Variants in PRKN observed in about 807,000 individuals in gnomAD.
PRKN encodes E3 ubiquitin-protein ligase parkin.
Under a neutral mutation model 59.5 loss-of-function variants are expected in PRKN, and 56 were observed. That is an observed-to-expected ratio of 0.94 (90% CI 0.76 to 1.18). The LOEUF is 1.18. Ranked by LOEUF, PRKN falls within the 50% of genes most tolerant of loss-of-function variation. The pLI is 0.00. For missense variants in PRKN, 657 were observed against 596.4 expected (o/e 1.10, Z -1.06); for synonymous variants, 250 against 222.1 (o/e 1.13, Z -1.12).
intron 2 of PRKN, among the ~76,000 whole-genome samples, chr6:162,369,126 T>G (rs1340959719): frequency 1.3e-5 from 2 of 152,214 alleles, no homozygotes; most frequent in Non-Finnish European, 2.9e-5. Context: ...AAACCCATAA[T>G]GAAGTTCCCT....
chr6:161,864,050 G>A (rs1794012646), intron 6 of PRKN, among the ~76,000 whole-genome samples: 1 of 152,128 alleles, frequency 6.6e-6, no homozygotes, highest in Non-Finnish European at 1.5e-5. Context: ...GACTGACCAG[G>A]GCAGTGGTTG....
chr6:161,852,690 C>T (rs1403750259), intron 6 of PRKN, among the ~76,000 whole-genome samples: 1 of 152,054 alleles, frequency 6.6e-6, no homozygotes, highest in East Asian at 1.9e-4. Flanking sequence ...TTTGAAGAAA[C>T]ATTAAATGCA....
intron 6 of PRKN, among the ~76,000 whole-genome samples, chr6:161,882,729 C>T (rs1459675233): frequency 1.3e-5 from 2 of 152,086 alleles, no homozygotes; most frequent in African/African-American, 4.8e-5. Flanking sequence ...CACGGCTGGG[C>T]GCGGTGGCTC....
chr6:162,657,830 AG>A (rs1478333620), intron 1 of PRKN, among the ~76,000 whole-genome samples: 1 of 152,176 alleles, frequency 6.6e-6, no homozygotes, highest in Non-Finnish European at 1.5e-5. Context: ...TTCCAGGCCT[AG>A]CACAAGCACC....
chr6:161,786,424 AT>A (rs1025737162), intron 6 of PRKN, among the ~76,000 whole-genome samples: 3 of 152,026 alleles, frequency 2.0e-5, no homozygotes, highest in Non-Finnish European at 2.9e-5. Context: ...CATTTTAAAT[AT>A]TTTTTTCCTC....
At chr6:161,862,765 C>T (rs770165872) in intron 6 of PRKN, among the ~76,000 whole-genome samples, 6 of 143,118 alleles carry the variant, frequency 4.2e-5, no homozygotes, top group African/African-American at 1.8e-4. Flanking sequence ...GGAGTCCAAG[C>T]CATTCAGAGG....
intron 1 of PRKN, among the ~76,000 whole-genome samples, chr6:162,486,989 G>A (rs1792575377): frequency 1.3e-5 from 2 of 152,004 alleles, no homozygotes; most frequent in African/African-American, 4.8e-5. Flanking sequence ...AGAATCATTT[G>A]AACCTAGGAG....
chr6:162,393,085 T>C (rs1445102883), intron 2 of PRKN, among the ~76,000 whole-genome samples: 4 of 151,472 alleles, frequency 2.6e-5, no homozygotes. Flanking sequence ...GTGACTGTTC[T>C]GGCAGAATCA....
rs111843159 is a variant in PRKN, at chr6:161,455,674, G to T, written c.1084-68797C>A. On this transcript the variant is annotated intron_variant, in intron 9 of 11. Coordinates refer to ENST00000366898, the MANE Select transcript of PRKN (RefSeq NM_004562.3). ...AGGTCAGGAGACCGAGACCATCTTG[G>T]CCAACATGGTGAAACCCCATCTCTA... 7.5e-3 allele frequency among the ~76,000 whole-genome samples: 1,141 copies of T among 151,910 alleles called. 14 individuals carry two copies. The highest frequency in any genetic ancestry group is 0.027 in the African/African-American group (1,103 of 41,456).
At chr6:162,307,574 G>A (rs928985728) in intron 2 of PRKN, among the ~76,000 whole-genome samples, 3 of 152,176 alleles carry the variant, frequency 2.0e-5, no homozygotes, top group South Asian at 2.1e-4. Flanking sequence ...AATTTGGAAG[G>A]AAAATACTAT....
chr6:161,956,064 C>A (rs989210795), intron 6 of PRKN, among the ~76,000 whole-genome samples: 3 of 152,154 alleles, frequency 2.0e-5, no homozygotes, highest in African/African-American at 7.2e-5. Context: ...GTTAGCAAGT[C>A]AGGGCCAAAA....
chr6:162,344,250 G>A lies in PRKN; in HGVS notation c.172-81485C>T, dbSNP rs576819898. 8.5e-5 allele frequency among the ~76,000 whole-genome samples: 13 copies of A among 152,082 alleles called. No homozygotes were observed. In the East Asian group the frequency reaches 1.4e-3, roughly 16 times the overall value. ...CCAATATTAGATACATGTCACATTCGCATAGAAACATATGGTCTTCAATGT... is the reference window on the plus strand; with the variant it reads ...CCAATATTAGATACATGTCACATTCACATAGAAACATATGGTCTTCAATGT... On this transcript the variant is annotated intron_variant, in intron 2 of 11. Coordinates refer to ENST00000366898, the MANE Select transcript of PRKN (RefSeq NM_004562.3).
intron 4 of PRKN, among the ~76,000 whole-genome samples, chr6:162,116,958 C>G (rs1240989818): frequency 1.3e-5 from 2 of 152,190 alleles, no homozygotes; most frequent in Non-Finnish European, 2.9e-5. Flanking sequence ...AACTGAATGA[C>G]AGCATCCATT....
At position 161,378,128 on chromosome 6, in the gene PRKN, G is replaced by A. The variant is rs952876322; in HGVS notation, c.1167+8666C>T. ...GAAGACTGAGGACAGGTAAGACAAGGAGCTCTGCAGAGCAGGCACGTGGAC... is the reference window on the plus strand; with the variant it reads ...GAAGACTGAGGACAGGTAAGACAAGAAGCTCTGCAGAGCAGGCACGTGGAC... On this transcript the variant is annotated intron_variant, in intron 10 of 11. Coordinates refer to ENST00000366898, the MANE Select transcript of PRKN (RefSeq NM_004562.3). This position sits in a 1 kb window ranked among gnomAD's most constrained non-coding sequence, Gnocchi z 7.3. Among the ~76,000 whole-genome samples the A allele has an allele frequency of 6.6e-6, 1 of 152,180 alleles. No homozygotes were observed. Among genetic ancestry groups the A allele is most frequent in the Admixed American group, 6.5e-5 (1 of 15,290 alleles).
intron 7 of PRKN, among the ~76,000 whole-genome samples, chr6:161,670,708 C>T (rs1428213214): frequency 3.3e-5 from 5 of 151,994 alleles, no homozygotes; most frequent in South Asian, 2.1e-4. Context: ...CCCAGCTACT[C>T]GGGAGGCTGA....
At chr6:162,665,861 C>T (rs1337555080) in intron 1 of PRKN, among the ~76,000 whole-genome samples, 1 of 152,006 alleles carries the variant, frequency 6.6e-6, no homozygotes, top group East Asian at 1.9e-4. Context: ...GAACAGAGAC[C>T]TCAGAAATAA....
chr6:161,867,193 GTTT>G (rs1210006941), intron 6 of PRKN, among the ~76,000 whole-genome samples: 1 of 152,092 alleles, frequency 6.6e-6, no homozygotes, highest in Non-Finnish European at 1.5e-5. Context: ...AGAATTAACT[GTTT>G]TTTACCTTAA....
chr6:161,937,254 T>C (rs572800643), intron 6 of PRKN, among the ~76,000 whole-genome samples: 1 of 152,374 alleles, frequency 6.6e-6, no homozygotes, highest in East Asian at 1.9e-4. Flanking sequence ...GAGATTATGT[T>C]GAGAAATAAA....
chr6:162,714,380 G>C (rs1409638915), intron 1 of PRKN, among the ~76,000 whole-genome samples: 2 of 152,132 alleles, frequency 1.3e-5, no homozygotes, highest in Admixed American at 6.6e-5. Flanking sequence ...CTGGTGACAG[G>C]GAGGGAGGGG....
Sources: allele counts gnomAD v4.1 joint callset (sites outside exome capture counted in the v4.1 genomes callset), GRCh38; gene constraint gnomAD v4.1.1; non-coding constraint Gnocchi (gnomAD v3.1); transcripts MANE v1.5; gene names NCBI Gene and HGNC (gene_info 2026-07-23, HGNC 2026-07-21).